ATF6B: variants seen among roughly 807,000 people sequenced by gnomAD.
The protein encoded by ATF6B is activating transcription factor 6 beta, also known as cyclic AMP-dependent transcription factor ATF-6 beta.
ATF6B carries 50 observed loss-of-function variants against 83.5 expected under a neutral mutation model. The observed-to-expected ratio is 0.60, with a 90% CI of 0.48 to 0.76. The LOEUF (loss-of-function observed/expected upper bound fraction) is 0.76, where lower values mean the gene tolerates loss of function less well. Among genes scored for constraint, ATF6B ranks in the 30% least tolerant of loss-of-function variants. The probability of loss-of-function intolerance (pLI) is 0.00; values close to 1 mark genes in which losing one functional copy is unlikely to be tolerated. For missense variants in ATF6B, 790 were observed against 893.8 expected, an observed-to-expected ratio of 0.88 and a Z score of 1.48; for synonymous variants, 344 against 362.8, an observed-to-expected ratio of 0.95 and a Z score of 0.59.
rs371999895 is a variant in ATF6B at position 32,117,130 on chromosome 6, A to C, written c.1615-23T>G. 3.7e-6 allele frequency: 6 copies of C among 1,611,020 alleles called. No individual in the cohort carries two copies. In the African/African-American group the frequency reaches 5.3e-5, roughly 14 times the overall value. On this transcript the variant is annotated intron_variant, in intron 14 of 17. Coordinates refer to ENST00000375203, the MANE Select transcript of ATF6B (RefSeq NM_004381.5). This position sits in a 1 kb window ranked among gnomAD's most constrained non-coding sequence, Gnocchi z 5.0. ...CTTCTGGAAGGAGAAGTATCTAAGG[A>C]CTTGGAGAGGGTGAAGGGAAAAGGG... is the stretch of plus-strand genomic sequence containing the variant.
At chr6:32,120,742 T>C (rs1237314176) in intron 8 of ATF6B, 29 bp downstream of exon 8, 2 of 1,605,022 alleles carry the variant, frequency 1.2e-6, no homozygotes, top group African/African-American at 1.3e-5. Context: ...TGAGCCACCA[T>C]GCCCGGCCCT....
Position 32,127,451 on chromosome 6 carries a change from T to C in ATF6B, c.241A>G (p.Ile81Val). Residue 81 changes from isoleucine to valine, a missense_variant, in exon 3 of 18, where the codon ATC becomes GTC. Ile to Val is a conservative substitution (Grantham distance 29). Coordinates refer to ENST00000375203, the MANE Select transcript of ATF6B (RefSeq NM_004381.5). The part of the protein sequence containing the change: ...PSEPPWELLP[I>V]FPDLQVKSEP... ...ACAAAGACTACCTTACCTGGGAAGATCGGCAGGAGTTCCCATGGGGGCTCA... is the reference window on the plus strand; with the variant it reads ...ACAAAGACTACCTTACCTGGGAAGACCGGCAGGAGTTCCCATGGGGGCTCA... 2 of 1,611,896 alleles carry C rather than the reference T, an allele frequency of 1.2e-6. No homozygotes were observed. The highest frequency in any genetic ancestry group is 1.7e-6 in the Non-Finnish European group (2 of 1,178,676).
chr6:32,123,383 C>G (rs1165028354), intron 5 of ATF6B, among the ~76,000 whole-genome samples: 1 of 152,054 alleles, frequency 6.6e-6, no homozygotes, highest in Non-Finnish European at 1.5e-5. Context: ...GAATCTGACT[C>G]TAATAACACT....
In ATF6B at chr6:32,125,547, G is replaced by A. The variant is rs541731215; in HGVS notation, c.478+570C>T. On this transcript the variant is annotated intron_variant, in intron 5 of 17. Transcript: ENST00000375203. This position sits in a 1 kb window ranked among gnomAD's most constrained non-coding sequence, Gnocchi z 4.1. ...GAGGCGGAGGTAGGCGACTCATGAG[G>A]TCAGGAGTTCAAGACCAGCCTGGCC... Among the ~76,000 whole-genome samples, 13 of 152,276 alleles carry A rather than the reference G, an allele frequency of 8.5e-5. No individual in the cohort carries two copies. The South Asian group carries it at 1.2e-3, about 15-fold the overall frequency.
intron 8 of ATF6B, 190 bp from the exon 9 acceptor site, chr6:32,120,147 G>C: frequency 5.0e-6 from 3 of 596,870 alleles, no homozygotes; most frequent in Non-Finnish European, 7.8e-6. Context: ...GACCAGGCTG[G>C]AGTGCAGTGG....
intron 8 of ATF6B, 61 bp from the exon 9 acceptor site, chr6:32,120,018 CCACACAAGAG>C: frequency 6.4e-7 from 1 of 1,552,922 alleles, no homozygotes; most frequent in Non-Finnish European, 8.7e-7. Flanking sequence ...GTGTCCACAC[CCACACAAGAG>C]CACCCAAGGA....
rs1053370350 is a variant in ATF6B, at chr6:32,116,870, T to C, written c.1686-55A>G. The C allele has an allele frequency of 1.3e-6, 2 of 1,585,384 alleles. No individual in the cohort carries two copies. Among genetic ancestry groups the C allele is most frequent in the Non-Finnish European group, 1.7e-6 (2 of 1,154,364 alleles). ...GGAACTAAGCCCAATGCTCAGTTTCTACCAGGGAAGCGGGTAGGATGAGAG... is the reference window on the plus strand; with the variant it reads ...GGAACTAAGCCCAATGCTCAGTTTCCACCAGGGAAGCGGGTAGGATGAGAG... On this transcript the variant is annotated intron_variant, in intron 15 of 17. Transcript: ENST00000375203. The surrounding 1 kb of genome is among the most constrained non-coding windows in gnomAD (Gnocchi z 5.1).
In ATF6B at chr6:32,119,265, C is replaced by T. The variant is rs190214105; in HGVS notation, c.967-124G>A. The stretch of plus-strand genomic sequence containing the variant: ...CCATTCCCCTGCCTTCCTGACCCAC[C>T]TACATAGCCAGAGAGGTTTTTCCTC... On this transcript the variant is annotated intron_variant, in intron 9 of 17. Transcript: ENST00000375203. The surrounding 1 kb of genome is among the most constrained non-coding windows in gnomAD (Gnocchi z 4.9). The T allele has an allele frequency of 9.3e-6, 11 of 1,179,622 alleles. No individual in the cohort carries two copies. The East Asian group carries it at 2.9e-4, about 31-fold the overall frequency. 73.1% of individuals were successfully genotyped at this position (1,179,622 alleles called of 1,614,324 possible).
intron 5 of ATF6B, 85 bp downstream of exon 5, chr6:32,126,032 C>A (rs1781958245): frequency 1.9e-6 from 3 of 1,540,914 alleles, no homozygotes; most frequent in Non-Finnish European, 2.6e-6. Context: ...GCCTGCACTT[C>A]CCCTCCATCT....
chr6:32,117,209 T>G lies in ATF6B; in HGVS notation c.1615-102A>C. The G allele has an allele frequency of 1.3e-6, 2 of 1,535,690 alleles. No individual in the cohort carries two copies. The highest frequency in any genetic ancestry group is 1.8e-6 in the Non-Finnish European group (2 of 1,122,390). On this transcript the variant is annotated intron_variant, in intron 14 of 17. Transcript: ENST00000375203. This position sits in a 1 kb window ranked among gnomAD's most constrained non-coding sequence, Gnocchi z 5.0. The stretch of plus-strand genomic sequence containing the variant: ...TGCCACCTCCCACTCAACCCTCCAC[T>G]TCCTTCAAACGATCCCTCAAACTTC...
intron 5 of ATF6B, among the ~76,000 whole-genome samples, chr6:32,124,025 GC>G (rs1562911518): frequency 3.3e-5 from 5 of 152,134 alleles, no homozygotes; most frequent in Admixed American, 2.0e-4. Flanking sequence ...CATGAAAGAA[GC>G]CCTGTCTCTA....
chr6:32,127,852 C>T, intron 1 of ATF6B, 102 bp from the exon 2 acceptor site: 3 of 1,292,494 alleles, frequency 2.3e-6, no homozygotes, highest in African/African-American at 1.5e-5. Flanking sequence ...TCGGCCAGAC[C>T]CACCGCCCGC....
Position 32,117,501 on chromosome 6 carries a change from C to T in ATF6B, c.1532+86G>A, listed in dbSNP as rs28732175. On this transcript the variant is annotated intron_variant, in intron 13 of 17. Transcript: ENST00000375203. The surrounding 1 kb of genome is among the most constrained non-coding windows in gnomAD (Gnocchi z 5.0). Reference sequence around the variant, plus strand: ...GTGAGGAGAGGGCAGGGAGCACTGGCGCTTTAGTACACAGGCCAGCCAGGC... The same window carrying T: ...GTGAGGAGAGGGCAGGGAGCACTGGTGCTTTAGTACACAGGCCAGCCAGGC... The T allele has an allele frequency of 0.035, 55,397 of 1,589,736 alleles. 1,197 individuals carry two copies. Among genetic ancestry groups the T allele is most frequent in the South Asian group, 0.052 (4,625 of 89,452 alleles).
At chr6:32,120,112 T>C in intron 8 of ATF6B, 155 bp from the exon 9 acceptor site, 2 of 995,242 alleles carry the variant, frequency 2.0e-6, no homozygotes, top group Non-Finnish European at 2.8e-6. Flanking sequence ...TTTTTTTCTT[T>C]TTTGAGATGC....
rs1025493503 is a variant in ATF6B at position 32,125,851 on chromosome 6, G to A, written c.478+266C>T. Among the ~76,000 whole-genome samples the A allele has an allele frequency of 6.6e-6, 1 of 152,178 alleles. No individual in the cohort carries two copies. The highest frequency in any genetic ancestry group is 2.4e-5 in the African/African-American group (1 of 41,422). On this transcript the variant is annotated intron_variant, in intron 5 of 17. Transcript: ENST00000375203. The surrounding 1 kb of genome is among the most constrained non-coding windows in gnomAD (Gnocchi z 4.1). ...TAAACTGCTCACAAGTTTTTAAAAA[G>A]TAAGTTGAATGGCATGACAGAATAC...
At chr6:32,120,070 A>T in intron 8 of ATF6B, 113 bp from the exon 9 acceptor site, 1 of 1,376,192 alleles carries the variant, frequency 7.3e-7, no homozygotes, top group Non-Finnish European at 9.7e-7. Flanking sequence ...AAGCTCTCTG[A>T]CAGGGTCAAT....
Position 32,117,658 on chromosome 6 carries a change from T to C in ATF6B, c.1461A>G (p.Leu487=). ...AGAGCTGGTCTAGGTCTCTTAGTAG[T>C]AGCTCCTTGGCGCCCCCAGGGAAGG... ...LTAFPGGAKE[L]LLRDLDQLFL... Residue 487 remains leucine, a synonymous_variant, in exon 13 of 18, where the codon CTA becomes CTG. Transcript: ENST00000375203. This position sits in a 1 kb window ranked among gnomAD's most constrained non-coding sequence, Gnocchi z 5.0. The C allele has an allele frequency of 6.2e-7, 1 of 1,614,172 alleles. No homozygotes were observed. Among genetic ancestry groups the C allele is most frequent in the Non-Finnish European group, 8.5e-7 (1 of 1,180,010 alleles).
intron 5 of ATF6B, among the ~76,000 whole-genome samples, chr6:32,121,836 G>A (rs1184907629): frequency 6.6e-6 from 1 of 151,842 alleles, no homozygotes; most frequent in East Asian, 1.9e-4. Context: ...CTGGCTCTCC[G>A]CCCCGCTTTT....
In ATF6B at chr6:32,120,821, A is replaced by C. The variant is rs371963076; in HGVS notation, c.782T>G (p.Val261Gly). Residue 261 changes from valine (V) to glycine (G), a missense_variant, in exon 8 of 18, where the codon GTG (valine) becomes GGG (glycine). Physicochemically the swap from Val to Gly is moderately radical, Grantham distance 109 (BLOSUM62 -3). This residue lies in a region of ATF6B where 530 missense variants were observed against 632.6 expected (regional missense o/e 0.84). Coordinates refer to ENST00000375203, the MANE Select transcript of ATF6B (RefSeq NM_004381.5). Reference sequence around the variant, plus strand: ...CAGAAGGACTGTGGTGCTGGGAGGCACAGCTCTGGATGGCATTGGGACAGT... The same window carrying C: ...CAGAAGGACTGTGGTGCTGGGAGGCCCAGCTCTGGATGGCATTGGGACAGT... The part of the protein sequence containing the change: ...LTTVPMPSRA[V>G]PPSTTVLLQS... The C allele has an allele frequency of 1.2e-6, 2 of 1,609,784 alleles. No individual in the cohort carries two copies. Among genetic ancestry groups the C allele is most frequent in the Non-Finnish European group, 1.7e-6 (2 of 1,177,720 alleles).
Sources: allele counts gnomAD v4.1 joint callset (sites outside exome capture counted in the v4.1 genomes callset), GRCh38; gene constraint gnomAD v4.1.1; regional missense constraint gnomAD v4.1.1; non-coding constraint Gnocchi (gnomAD v3.1); transcripts MANE v1.5; gene names NCBI Gene and HGNC (gene_info 2026-07-23, HGNC 2026-07-21).